The following SPIN1 variants were observed in gnomAD, a reference collection of about 807,000 sequenced individuals.
The protein encoded by SPIN1 is spindlin-1.
In SPIN1, 3 loss-of-function variants were observed where a neutral mutation model predicts 26.0. The ratio of observed to expected loss-of-function variants is 0.12; its 90% CI spans 0.05 to 0.30. SPIN1 has a LOEUF of 0.30. Among genes scored for constraint, SPIN1 ranks in the 10% least tolerant of loss-of-function variants. SPIN1 has a pLI of 1.00. For synonymous variants in SPIN1, 101 were observed against 116.5 expected (o/e 0.87, Z 0.86); for missense variants, 126 against 333.4 (o/e 0.38, Z 4.84).
At chr9:88,399,785 C>G (rs949526025) in intron 1 of SPIN1, among the ~76,000 whole-genome samples, 3 of 152,184 alleles carry the variant, frequency 2.0e-5, no homozygotes, top group African/African-American at 7.2e-5. Context: ...GAATGTAGTT[C>G]AGCTCAGCCA....
intron 1 of SPIN1, among the ~76,000 whole-genome samples, chr9:88,414,917 T>A (rs948248944): frequency 9.9e-5 from 15 of 152,192 alleles, no homozygotes; most frequent in Admixed American, 7.2e-4. Flanking sequence ...TTTTTTTTGT[T>A]TTTTGAGATG....
intron 1 of SPIN1, among the ~76,000 whole-genome samples, chr9:88,424,660 A>G (rs936838042): frequency 1.3e-5 from 2 of 152,216 alleles, no homozygotes; most frequent in African/African-American, 4.8e-5. Context: ...TAAGAAAACT[A>G]GAATGATCAG....
At chr9:88,419,354 C>T (rs895403392) in intron 1 of SPIN1, among the ~76,000 whole-genome samples, 4 of 152,106 alleles carry the variant, frequency 2.6e-5, no homozygotes, top group African/African-American at 4.8e-5. Flanking sequence ...TTAGCCTGTG[C>T]GGTCTAACCC....
chr9:88,434,483 A>C (rs781089847), intron 2 of SPIN1, among the ~76,000 whole-genome samples: 3 of 151,426 alleles, frequency 2.0e-5, no homozygotes, highest in Non-Finnish European at 4.4e-5. Context: ...TATATTAAAG[A>C]AACTTCTGTT....
At chr9:88,401,792 A>G (rs899821958) in intron 1 of SPIN1, among the ~76,000 whole-genome samples, 11 of 152,202 alleles carry the variant, frequency 7.2e-5, no homozygotes, top group African/African-American at 2.7e-4. Flanking sequence ...GTGGAACTGT[A>G]TGTTCTTGCT....
At chr9:88,399,918 T>G (rs1277001650) in intron 1 of SPIN1, among the ~76,000 whole-genome samples, 1 of 152,186 alleles carries the variant, frequency 6.6e-6, no homozygotes, top group Non-Finnish European at 1.5e-5. Context: ...TCCTAATTTG[T>G]GGGTGAGATC....
intron 5 of SPIN1, among the ~76,000 whole-genome samples, chr9:88,473,341 C>T (rs1052608240): frequency 1.3e-5 from 2 of 151,790 alleles, no homozygotes; most frequent in Non-Finnish European, 1.5e-5. Context: ...TGCAGCGAGT[C>T]GAGATTGCAC....
At chr9:88,432,804 G>A (rs1471995904) in intron 2 of SPIN1, among the ~76,000 whole-genome samples, 2 of 151,936 alleles carry the variant, frequency 1.3e-5, no homozygotes. Flanking sequence ...CCATTCTCTG[G>A]GGGAGCTTAT....
At chr9:88,463,458 G>A (rs1197598782) in intron 4 of SPIN1, among the ~76,000 whole-genome samples, 1 of 152,054 alleles carries the variant, frequency 6.6e-6, no homozygotes, top group Non-Finnish European at 1.5e-5. Context: ...TATACTTTTA[G>A]AATTGTCTTT....
At chr9:88,468,273 C>A in intron 4 of SPIN1, 99 bp from the exon 5 acceptor site, 1 of 895,584 alleles carries the variant, frequency 1.1e-6, no homozygotes, top group Non-Finnish European at 1.6e-6. Flanking sequence ...GTTGCATGGA[C>A]AAAATTTCAG....
chr9:88,475,759 C>A lies in SPIN1; in HGVS notation c.*482C>A, dbSNP rs1186392. The A allele has an allele frequency of 0.07, 10,658 of 152,596 alleles. 532 individuals carry two copies. Among genetic ancestry groups the A allele is most frequent in the Admixed American group, 0.1 (1,531 of 15,346 alleles). 9.5% of individuals were successfully genotyped at this position (152,596 alleles called of 1,614,324 possible). ...ACACACACCACACACCACACACACC[C>A]CACTGGCAGTCTTTGTGGATTAGGA... On this transcript the variant is annotated 3_prime_UTR_variant, in exon 6 of 6. Transcript: ENST00000375859.
At chr9:88,390,496 T>C (rs1652245570) in intron 1 of SPIN1, among the ~76,000 whole-genome samples, 1 of 152,252 alleles carries the variant, frequency 6.6e-6, no homozygotes. Context: ...TTGCACTCCT[T>C]CATTGCTAGC....
intron 1 of SPIN1, among the ~76,000 whole-genome samples, chr9:88,412,783 A>G (rs567015047): frequency 1.3e-5 from 2 of 152,102 alleles, no homozygotes; most frequent in East Asian, 3.9e-4. Flanking sequence ...TCCCGGGTTC[A>G]AGTGATTCTC....
rs182069293 is a variant in SPIN1 at position 88,392,437 on chromosome 9, G to T, written c.-159+3899G>T. On this transcript the variant is annotated intron_variant, in intron 1 of 5. Transcript: ENST00000375859. ...TGCTGAAGGTATCTGGGAAGAGAAG[G>T]TGATTCCATAGATTATCAGAATGGG... Among the ~76,000 whole-genome samples the T allele has an allele frequency of 1.8e-3, 280 of 152,288 alleles. 9 individuals carry two copies. The South Asian group carries it at 0.046, about 25-fold the overall frequency.
intron 3 of SPIN1, among the ~76,000 whole-genome samples, chr9:88,451,661 A>G (rs1455741778): frequency 6.6e-6 from 1 of 152,118 alleles, no homozygotes; most frequent in African/African-American, 2.4e-5. Flanking sequence ...CCTGGGTTCA[A>G]CTGGTTCTCC....
intron 1 of SPIN1, chr9:88,389,492 C>G (rs1241982999): frequency 1.3e-5 from 2 of 151,356 alleles, no homozygotes; most frequent in African/African-American, 4.8e-5. Context: ...TACATTTATT[C>G]TCTTTTTACT....
intron 1 of SPIN1, among the ~76,000 whole-genome samples, chr9:88,420,577 G>A (rs138892572): frequency 5.3e-5 from 8 of 152,296 alleles, no homozygotes; most frequent in African/African-American, 1.4e-4. Context: ...ATGAGTTATA[G>A]CAATTTGATT....
intron 1 of SPIN1, among the ~76,000 whole-genome samples, chr9:88,411,902 G>T (rs1415792524): frequency 6.6e-6 from 1 of 151,986 alleles, no homozygotes; most frequent in Non-Finnish European, 1.5e-5. Context: ...GGCCGGGTGC[G>T]GTGGCTCATG....
At chr9:88,448,098 C>A (rs1018162709) in intron 2 of SPIN1, among the ~76,000 whole-genome samples, 4 of 150,128 alleles carry the variant, frequency 2.7e-5, no homozygotes, top group Non-Finnish European at 5.9e-5. Flanking sequence ...GGCTGGAGTG[C>A]AGTAGTGCAG....
Sources: allele counts gnomAD v4.1 joint callset (sites outside exome capture counted in the v4.1 genomes callset), GRCh38; gene constraint gnomAD v4.1.1; transcripts MANE v1.5; gene names NCBI Gene and HGNC (gene_info 2026-07-23, HGNC 2026-07-21).